SCAPER: variants seen among roughly 807,000 people sequenced by gnomAD.
SCAPER encodes S-phase cyclin A associated protein in the ER, also known as S phase cyclin A-associated protein in the endoplasmic reticulum.
Under a neutral mutation model 182.2 loss-of-function variants are expected in SCAPER, and 98 were observed. The ratio of observed to expected loss-of-function variants is 0.54; its 90% CI spans 0.46 to 0.64. The LOEUF is 0.64. Among genes scored for constraint, SCAPER ranks in the 30% least tolerant of loss-of-function variants. SCAPER has a pLI of 0.00. For synonymous variants in SCAPER, 605 were observed against 564.6 expected (o/e 1.07, Z -1.01); for missense variants, 1,432 against 1,690.0 (o/e 0.85, Z 2.68).
At chr15:76,439,938 T>G (rs1248645141) in intron 25 of SCAPER, among the ~76,000 whole-genome samples, 1 of 152,216 alleles carries the variant, frequency 6.6e-6, no homozygotes, top group Admixed American at 6.5e-5. Flanking sequence ...TTAGAATATT[T>G]CTTTAGAATA....
At chr15:76,511,847 G>GTGTA (rs2042058925) in intron 23 of SCAPER, among the ~76,000 whole-genome samples, 1 of 94,868 alleles carries the variant, frequency 1.1e-5, no homozygotes, top group African/African-American at 4.5e-5. Context: ...ATATATATGT[G>GTGTA]TGTGTGTGTG....
At chr15:76,569,866 A>G (rs1310607175) in intron 23 of SCAPER, among the ~76,000 whole-genome samples, 1 of 151,942 alleles carries the variant, frequency 6.6e-6, no homozygotes. Flanking sequence ...CTGTTTTCTC[A>G]AATGTGCTAT....
intron 1 of SCAPER, among the ~76,000 whole-genome samples, chr15:76,903,714 A>AG (rs1388129066): frequency 6.6e-6 from 1 of 152,238 alleles, no homozygotes; most frequent in Non-Finnish European, 1.5e-5. Context: ...AAAGACACAT[A>AG]GAGTATATTT....
intron 21 of SCAPER, among the ~76,000 whole-genome samples, chr15:76,650,177 C>A (rs1013903367): frequency 6.6e-6 from 1 of 151,734 alleles, no homozygotes; most frequent in East Asian, 1.9e-4. Flanking sequence ...TGAGCAAACA[C>A]TAAAAATAAA....
At chr15:76,510,694 A>G (rs1367009956) in intron 23 of SCAPER, among the ~76,000 whole-genome samples, 1 of 152,262 alleles carries the variant, frequency 6.6e-6, no homozygotes, top group African/African-American at 2.4e-5. Context: ...TAGAAGTACC[A>G]TTTGATCCAG....
At chr15:76,477,065 T>G (rs536279531) in intron 24 of SCAPER, among the ~76,000 whole-genome samples, 7 of 152,214 alleles carry the variant, frequency 4.6e-5, no homozygotes, top group African/African-American at 1.7e-4. Flanking sequence ...GTGTTGAAGT[T>G]ACACTTCCAG....
intron 21 of SCAPER, among the ~76,000 whole-genome samples, chr15:76,661,125 G>C (rs1401209635): frequency 1.3e-5 from 2 of 152,034 alleles, no homozygotes; most frequent in Non-Finnish European, 2.9e-5. Flanking sequence ...CTGAGCTATA[G>C]CTTCAATGCA....
intron 24 of SCAPER, 61 bp from the exon 25 acceptor site, chr15:76,471,396 A>T: frequency 6.7e-7 from 1 of 1,502,058 alleles, no homozygotes; most frequent in Non-Finnish European, 8.9e-7. Context: ...AAACAATTAA[A>T]AATACATAAA....
chr15:76,575,484 C>A (rs2145400936), intron 22 of SCAPER, among the ~76,000 whole-genome samples: 1 of 152,328 alleles, frequency 6.6e-6, no homozygotes, highest in Non-Finnish European at 1.5e-5. Flanking sequence ...ATAAAATCTA[C>A]AAGCTTATCT....
chr15:76,800,432 T>C, intron 6 of SCAPER, 68 bp from the exon 7 acceptor site: 3 of 1,059,226 alleles, frequency 2.8e-6, no homozygotes, highest in Non-Finnish European at 4.3e-6. Flanking sequence ...ATCTTTTCTC[T>C]TGGTTGTTAG....
chr15:76,829,114 T>C (rs1458643321), intron 5 of SCAPER, among the ~76,000 whole-genome samples: 1 of 152,196 alleles, frequency 6.6e-6, no homozygotes, highest in Non-Finnish European at 1.5e-5. Flanking sequence ...CATGAAATAC[T>C]ACTCAGCCAT....
intron 24 of SCAPER, among the ~76,000 whole-genome samples, chr15:76,497,649 T>C (rs2040687414): frequency 6.6e-6 from 1 of 151,918 alleles, no homozygotes; most frequent in South Asian, 2.1e-4. Context: ...GACTTAATAG[T>C]AGATGAGTCC....
At chr15:76,889,047 T>G (rs1263421225) in intron 1 of SCAPER, among the ~76,000 whole-genome samples, 1 of 152,194 alleles carries the variant, frequency 6.6e-6, no homozygotes, top group Non-Finnish European at 1.5e-5. Context: ...AAAAGAATTT[T>G]CAACCCAGAA....
intron 2 of SCAPER, among the ~76,000 whole-genome samples, chr15:76,872,577 T>C (rs1568380399): frequency 6.6e-6 from 1 of 151,906 alleles, no homozygotes; most frequent in Non-Finnish European, 1.5e-5. Flanking sequence ...ATTACTGTTT[T>C]CTAGTATAAA....
At chr15:76,474,062 C>T (rs1047700431) in intron 24 of SCAPER, among the ~76,000 whole-genome samples, 4 of 152,068 alleles carry the variant, frequency 2.6e-5, no homozygotes, top group African/African-American at 9.7e-5. Flanking sequence ...CCACCCACCT[C>T]GGCCTCCCAA....
chr15:76,764,390 G>A (rs2062988666), intron 14 of SCAPER, among the ~76,000 whole-genome samples: 2 of 148,952 alleles, frequency 1.3e-5, no homozygotes, highest in South Asian at 4.2e-4. Flanking sequence ...GGCAGGTCGT[G>A]GCAGAGGCCA....
chr15:76,400,903 T>C (rs1278758798), intron 27 of SCAPER, among the ~76,000 whole-genome samples: 1 of 151,602 alleles, frequency 6.6e-6, no homozygotes, highest in Admixed American at 6.6e-5. Flanking sequence ...CATAATAAAA[T>C]AAATTATATA....
intron 23 of SCAPER, among the ~76,000 whole-genome samples, chr15:76,523,428 A>G (rs1422938579): frequency 1.3e-5 from 2 of 152,080 alleles, no homozygotes; most frequent in Admixed American, 1.3e-4. Context: ...ATTGTCCTTT[A>G]TGTAAATCTG....
chr15:76,709,268 A>T (rs2059435583), intron 17 of SCAPER, among the ~76,000 whole-genome samples: 2 of 152,060 alleles, frequency 1.3e-5, no homozygotes, highest in Admixed American at 1.3e-4. Context: ...AGTAGCTGGG[A>T]CTACAGGCAC....
Sources: gnomAD v4.1 joint callset for allele counts (sites outside exome capture counted in the v4.1 genomes callset) on GRCh38, gnomAD v4.1.1 for gene constraint, MANE v1.5 for transcripts, NCBI Gene and HGNC (gene_info 2026-07-23, HGNC 2026-07-21) for gene names.